The following TRIQK variants were observed in gnomAD, a reference collection of about 807,000 sequenced individuals.
TRIQK encodes the protein triple QxxK/R motif-containing protein.
Under a neutral mutation model 10.8 loss-of-function variants are expected in TRIQK, and 10 were observed. That is an observed-to-expected ratio of 0.92 (90% CI 0.57 to 1.57). The LOEUF (loss-of-function observed/expected upper bound fraction) is 1.57. Among genes scored for constraint, TRIQK ranks in the 40% most tolerant of loss-of-function variants. The pLI is 0.00. For synonymous variants in TRIQK, 33 were observed against 33.7 expected (o/e 0.98, Z 0.07); for missense variants, 107 against 97.7 (o/e 1.09, Z -0.40).
intron 2 of TRIQK, among the ~76,000 whole-genome samples, chr8:92,923,473 A>T (rs955072962): frequency 2.0e-5 from 3 of 151,874 alleles, no homozygotes; most frequent in Non-Finnish European, 4.4e-5. Flanking sequence ...TCCCTGAGGA[A>T]CTAACTTGCT....
intron 3 of TRIQK, among the ~76,000 whole-genome samples, chr8:92,897,235 A>C (rs1341202700): frequency 6.6e-6 from 1 of 152,050 alleles, no homozygotes; most frequent in Non-Finnish European, 1.5e-5. Flanking sequence ...TTTAAATGAG[A>C]CTTTGGATTT....
chr8:92,898,046 C>T (rs939579285), intron 3 of TRIQK, among the ~76,000 whole-genome samples: 1 of 151,960 alleles, frequency 6.6e-6, no homozygotes, highest in African/African-American at 2.4e-5. Context: ...ATGTTGTTCC[C>T]CTGTTTTTGC....
intron 2 of TRIQK, among the ~76,000 whole-genome samples, chr8:92,924,607 A>G (rs1810351852): frequency 6.6e-6 from 1 of 152,032 alleles, no homozygotes; most frequent in Non-Finnish European, 1.5e-5. Context: ...TGATTCAGAT[A>G]TTCAGAGATA....
At chr8:92,908,898 G>A (rs1331786857) in intron 3 of TRIQK, among the ~76,000 whole-genome samples, 7 of 151,860 alleles carry the variant, frequency 4.6e-5, no homozygotes, top group African/African-American at 7.2e-5. Flanking sequence ...AACATTTTTA[G>A]AATAAATCTC....
chr8:92,946,684 T>C (rs953346015), intron 2 of TRIQK, among the ~76,000 whole-genome samples: 20 of 152,074 alleles, frequency 1.3e-4, no homozygotes, highest in African/African-American at 4.8e-4. Context: ...GCCATAATAA[T>C]AATCTCTGAT....
At chr8:92,889,627 G>A (rs1816662890) in intron 4 of TRIQK, among the ~76,000 whole-genome samples, 1 of 151,684 alleles carries the variant, frequency 6.6e-6, no homozygotes, top group South Asian at 2.1e-4. Context: ...CACAAACTGG[G>A]AATGGCTAAT....
At chr8:92,900,303 T>G (rs1276544420) in intron 3 of TRIQK, among the ~76,000 whole-genome samples, 1 of 152,170 alleles carries the variant, frequency 6.6e-6, no homozygotes, top group Non-Finnish European at 1.5e-5. Context: ...TTGTGAACTA[T>G]GATTCAAGAA....
At chr8:92,990,718 G>A (rs1352700841) in intron 1 of TRIQK, among the ~76,000 whole-genome samples, 3 of 152,144 alleles carry the variant, frequency 2.0e-5, no homozygotes, top group African/African-American at 4.8e-5. Flanking sequence ...GGTGCACTCC[G>A]GCCCCAGGTA....
Position 92,999,162 on chromosome 8 carries a change from T to A in TRIQK, c.-181+18447A>T, listed in dbSNP as rs1354574969. On this transcript the variant is annotated intron_variant, in intron 1 of 4. Coordinates refer to the TRIQK transcript ENST00000520686. ...TTCCAGGCTAATATTTACAAAGATT[T>A]TGGTAACATTTAATAAAGTGTTTAC... Among the ~76,000 whole-genome samples, 4 of 152,176 alleles carry A rather than the reference T, an allele frequency of 2.6e-5. No homozygotes were observed. In the East Asian group the frequency reaches 7.7e-4, roughly 29 times the overall value.
At chr8:92,983,171 G>A (rs1198311440) in intron 1 of TRIQK, among the ~76,000 whole-genome samples, 1 of 151,862 alleles carries the variant, frequency 6.6e-6, no homozygotes, top group Admixed American at 6.6e-5. Flanking sequence ...GAGACAGCAG[G>A]GTTGCTACCC....
At chr8:92,952,158 G>A (rs866558040) in intron 2 of TRIQK, among the ~76,000 whole-genome samples, 1 of 151,846 alleles carries the variant, frequency 6.6e-6, no homozygotes, top group African/African-American at 2.4e-5. Context: ...TATCAAACTG[G>A]AAACTTAAAA....
intron 1 of TRIQK, among the ~76,000 whole-genome samples, chr8:92,984,590 TAC>T (rs1813014957): frequency 6.6e-6 from 1 of 152,164 alleles, no homozygotes; most frequent in Non-Finnish European, 1.5e-5. Flanking sequence ...CTTTTATTGT[TAC>T]AGACATTATT....
chr8:92,909,945 G>A (rs1009478326), intron 3 of TRIQK, among the ~76,000 whole-genome samples: 5 of 151,342 alleles, frequency 3.3e-5, no homozygotes, highest in African/African-American at 1.2e-4. Flanking sequence ...ATTAAACAAC[G>A]ACATGTTTCA....
intron 1 of TRIQK, among the ~76,000 whole-genome samples, chr8:93,017,157 G>GA (rs1813392762): frequency 1.1e-5 from 1 of 91,278 alleles, no homozygotes; most frequent in Non-Finnish European, 2.3e-5. Context: ...GAGAGAGAGA[G>GA]AGAGAGAGAG....
intron 1 of TRIQK, among the ~76,000 whole-genome samples, chr8:92,999,180 G>T (rs1813183410): frequency 6.6e-6 from 1 of 152,262 alleles, no homozygotes; most frequent in East Asian, 1.9e-4. Flanking sequence ...ATTTAATAAA[G>T]TGTTTACTTG....
chr8:92,893,137 T>C lies in TRIQK; in HGVS notation c.62-1063A>G, dbSNP rs533418357. 2.6e-5 allele frequency among the ~76,000 whole-genome samples: 4 copies of C among 152,102 alleles called. No individual in the cohort carries two copies. The South Asian group carries it at 6.2e-4, about 24-fold the overall frequency. On this transcript the variant is annotated intron_variant, in intron 3 of 4. Coordinates refer to ENST00000521988, the MANE Select transcript of TRIQK (RefSeq NM_001171797.2). ...CATTAATTTCCACATCTTCTTCACA[T>C]TGAAATAAATTGAAAAGCAATTGGT...
chr8:92,945,901 T>C lies in TRIQK; in HGVS notation c.-22+8505A>G, dbSNP rs183551606. 5.9e-5 allele frequency among the ~76,000 whole-genome samples: 9 copies of C among 152,036 alleles called. No individual in the cohort carries two copies. In the East Asian group the frequency reaches 9.7e-4, roughly 16 times the overall value. ...AATAGAATATAAAAAGAAAAATATA[T>C]ATCTTAACTTAAATAATATAATTAA... On this transcript the variant is annotated intron_variant, in intron 2 of 4. Transcript: ENST00000521988.
At chr8:92,889,036 C>T (rs1018376884) in intron 4 of TRIQK, among the ~76,000 whole-genome samples, 2 of 151,576 alleles carry the variant, frequency 1.3e-5, no homozygotes, top group Non-Finnish European at 3.0e-5. Context: ...CATTGCATTA[C>T]TGGGCCATAA....
chr8:92,902,258 C>G (rs1373461649), intron 3 of TRIQK, among the ~76,000 whole-genome samples: 1 of 152,044 alleles, frequency 6.6e-6, no homozygotes, highest in Non-Finnish European at 1.5e-5. Flanking sequence ...AGGTTCGTAC[C>G]ACCAGGATAG....
Sources: gnomAD v4.1 joint callset for allele counts (sites outside exome capture counted in the v4.1 genomes callset) on GRCh38, gnomAD v4.1.1 for gene constraint, MANE v1.5 for transcripts, NCBI Gene and HGNC (gene_info 2026-07-23, HGNC 2026-07-21) for gene names.